AUTS2: variants seen among roughly 807,000 people sequenced by gnomAD.
AUTS2 encodes autism susceptibility gene 2 protein.
AUTS2 carries 17 observed loss-of-function variants against 112.4 expected under a neutral mutation model. That is an observed-to-expected ratio of 0.15 (90% CI 0.10 to 0.23). The LOEUF is 0.23. AUTS2 is among the 10% of genes least tolerant of loss of function. The pLI is 1.00. For synonymous variants in AUTS2, 751 were observed against 702.7 expected, an observed-to-expected ratio of 1.07 and a Z score of -1.09; for missense variants, 1,510 against 1,701.6, an observed-to-expected ratio of 0.89 and a Z score of 1.98.
At chr7:70,005,326 G>T (rs1410731469) in intron 2 of AUTS2, among the ~76,000 whole-genome samples, 1 of 152,096 alleles carries the variant, frequency 6.6e-6, no homozygotes, top group African/African-American at 2.4e-5. Flanking sequence ...AAAAGTAAAG[G>T]TTCATAGTTA....
intron 2 of AUTS2, among the ~76,000 whole-genome samples, chr7:70,102,525 G>A (rs1041985698): frequency 6.6e-6 from 1 of 151,382 alleles, no homozygotes; most frequent in African/African-American, 2.4e-5. Flanking sequence ...AGTTTCTTTG[G>A]TTAGATCACA....
rs146273118 is a variant in AUTS2 at position 70,193,065 on chromosome 7, C to A, written c.660+58494C>A. On this transcript the variant is annotated intron_variant, in intron 4 of 18. Coordinates refer to ENST00000342771, the MANE Select transcript of AUTS2 (RefSeq NM_015570.4). ...AAAAATGTAATCAACCAGTGGGATT[C>A]TTTTAGTTCATAATTGTAATCATAG... Among the ~76,000 whole-genome samples the A allele has an allele frequency of 5.3e-3, 804 of 152,292 alleles. 2 individuals are homozygous for A. Among genetic ancestry groups the A allele is most frequent in the Middle Eastern group, 0.01 (3 of 294 alleles).
At chr7:69,870,448 A>AATATATATATATATATATATATATATAT (rs11467258) in intron 1 of AUTS2, among the ~76,000 whole-genome samples, 1,660 of 78,472 alleles carry the variant, frequency 0.021, 130 homozygotes, top group Non-Finnish European at 0.026. Context: ...ATGTGTGTGT[A>AATATATATATATATATATATATATATAT]ATATATATAT....
chr7:70,670,045 C>T (rs749468775), intron 5 of AUTS2, among the ~76,000 whole-genome samples: 1 of 152,180 alleles, frequency 6.6e-6, no homozygotes, highest in Non-Finnish European at 1.5e-5. Flanking sequence ...CACAAAGTAA[C>T]GTTCACTGTA....
intron 1 of AUTS2, among the ~76,000 whole-genome samples, chr7:69,729,025 TTG>T (rs1472100559): frequency 6.6e-6 from 1 of 152,152 alleles, no homozygotes; most frequent in African/African-American, 2.4e-5. Context: ...ATTTATAATT[TTG>T]TGTGTGTCAC....
intron 1 of AUTS2, among the ~76,000 whole-genome samples, chr7:69,878,367 AG>A (rs1388091498): frequency 1.3e-5 from 2 of 152,232 alleles, no homozygotes; most frequent in Non-Finnish European, 2.9e-5. Context: ...ATTTTTGTTC[AG>A]GAAATCGTTT....
intron 13 of AUTS2, 111 bp from the exon 14 acceptor site, chr7:70,776,992 T>C: frequency 2.0e-6 from 2 of 981,260 alleles, no homozygotes; most frequent in Non-Finnish European, 3.2e-6. Flanking sequence ...AGCACTCTTG[T>C]TTCACGAAAA....
At chr7:70,508,120 C>T (rs1255590516) in intron 5 of AUTS2, among the ~76,000 whole-genome samples, 1 of 152,104 alleles carries the variant, frequency 6.6e-6, no homozygotes, top group Non-Finnish European at 1.5e-5. Context: ...GGGTAGCTAA[C>T]TGATCAAGCT....
chr7:70,540,150 G>T (rs1187457437), intron 5 of AUTS2, among the ~76,000 whole-genome samples: 1 of 152,156 alleles, frequency 6.6e-6, no homozygotes, highest in Non-Finnish European at 1.5e-5. Context: ...CCAGCAAAAT[G>T]GAAAATAAGT....
At chr7:69,822,357 CCTGTAGTGGCTCACAG>C (rs1376996359) in intron 1 of AUTS2, among the ~76,000 whole-genome samples, 1 of 152,086 alleles carries the variant, frequency 6.6e-6, no homozygotes, top group Non-Finnish European at 1.5e-5. Context: ...ATGGCTCACA[CCTGTAGTGGCTCACAG>C]CTACCTGGTA....
At chr7:69,942,558 C>G (rs1310497284) in intron 2 of AUTS2, among the ~76,000 whole-genome samples, 1 of 152,044 alleles carries the variant, frequency 6.6e-6, no homozygotes, top group Non-Finnish European at 1.5e-5. Context: ...GAAAGAAAGC[C>G]CGCTATTAAA....
chr7:69,702,507 C>T, intron 1 of AUTS2, among the ~76,000 whole-genome samples: 1 of 152,178 alleles, frequency 6.6e-6, no homozygotes, highest in East Asian at 1.9e-4. Context: ...CGTAGTAGTT[C>T]TCTGACTGGA....
At chr7:70,539,790 C>T (rs986283158) in intron 5 of AUTS2, among the ~76,000 whole-genome samples, 9 of 152,152 alleles carry the variant, frequency 5.9e-5, no homozygotes, top group African/African-American at 2.2e-4. Flanking sequence ...TGCTTGTCAG[C>T]TTCCACTCTG....
At chr7:70,431,047 C>T (rs1795643293) in intron 4 of AUTS2, among the ~76,000 whole-genome samples, 2 of 151,916 alleles carry the variant, frequency 1.3e-5, no homozygotes, top group East Asian at 1.9e-4. Context: ...CCGTTTTAGC[C>T]GGGATGGTCT....
At chr7:69,962,767 G>A (rs1469428241) in intron 2 of AUTS2, among the ~76,000 whole-genome samples, 1 of 151,886 alleles carries the variant, frequency 6.6e-6, no homozygotes, top group African/African-American at 2.4e-5. Context: ...GTGCTTGCTT[G>A]GGTAGGGACT....
At chr7:69,978,859 A>AACACACACACACACACACACACACACAC (rs71068004) in intron 2 of AUTS2, among the ~76,000 whole-genome samples, 7 of 129,642 alleles carry the variant, frequency 5.4e-5, no homozygotes, top group East Asian at 2.4e-4. Context: ...TCAAAGAAAC[A>AACACACACACACACACACACACACACAC]ACACACACAC....
rs375378059 is a variant in AUTS2, at chr7:70,221,265, T to G, written c.660+86694T>G. 3.9e-5 allele frequency among the ~76,000 whole-genome samples: 6 copies of G among 152,374 alleles called. No individual in the cohort carries two copies. In the East Asian group the frequency reaches 9.6e-4, roughly 24 times the overall value. On this transcript the variant is annotated intron_variant, in intron 4 of 18. Transcript: ENST00000342771. The stretch of plus-strand genomic sequence containing the variant: ...ATTAATCCATTTTATTTTTGGTTTA[T>G]TTTAAATTAAATTTCAGACATCAAG...
At chr7:70,374,002 A>G (rs1222527490) in intron 4 of AUTS2, among the ~76,000 whole-genome samples, 1 of 152,144 alleles carries the variant, frequency 6.6e-6, no homozygotes, top group East Asian at 1.9e-4. Flanking sequence ...ACTATACTTT[A>G]TATAACCTAT....
At chr7:70,338,168 C>T (rs1370209950) in intron 4 of AUTS2, among the ~76,000 whole-genome samples, 3 of 152,158 alleles carry the variant, frequency 2.0e-5, no homozygotes, top group Admixed American at 6.5e-5. Context: ...CTCTGCTCTA[C>T]ATTTAATCAA....
Sources: gnomAD v4.1 joint callset for allele counts (sites outside exome capture counted in the v4.1 genomes callset) on GRCh38, gnomAD v4.1.1 for gene constraint, MANE v1.5 for transcripts, NCBI Gene and HGNC (gene_info 2026-07-23, HGNC 2026-07-21) for gene names.